Variants in PHKA2 observed in about 807,000 individuals in gnomAD.
The protein encoded by PHKA2 is phosphorylase kinase regulatory subunit alpha 2, also known as phosphorylase b kinase regulatory subunit alpha, liver isoform.
Under a neutral mutation model 102.0 loss-of-function variants are expected in PHKA2, and 31 were observed. The observed-to-expected ratio is 0.30, with a 90% CI of 0.23 to 0.41. The LOEUF (loss-of-function observed/expected upper bound fraction) is 0.41, where lower values mean the gene tolerates loss of function less well. Ranked by LOEUF, PHKA2 falls within the 10% of genes least tolerant of loss-of-function variation. PHKA2 has a pLI of 1.00. For synonymous variants in PHKA2, 455 were observed against 416.2 expected (o/e 1.09, Z -1.13); for missense variants, 858 against 1,023.1 (o/e 0.84, Z 2.20).
chrX:18,897,293 G>A lies in PHKA2; in HGVS notation c.3152C>T (p.Ser1051Leu). 1.7e-6 allele frequency: 2 copies of A among 1,210,942 alleles called. No homozygotes were observed. The highest frequency in any genetic ancestry group is 1.1e-6 in the Non-Finnish European group (1 of 895,319). Reference sequence around the variant, plus strand: ...GCCGATGTGATGTCCTCCCGAGTCTGAGGATGACGTGCCAGTGGGCGAGGA... The same window carrying A: ...GCCGATGTGATGTCCTCCCGAGTCTAAGGATGACGTGCCAGTGGGCGAGGA... The part of the protein sequence containing the change: ...TPSSPTGTSS[S>L]DSGGHHIGWG... The change falls in exon 30 of 33, where the codon TCA becomes TTA. Residue 1051 changes from serine to leucine, a missense_variant. By Grantham distance (145) the Ser-to-Leu change is moderately radical. Coordinates refer to ENST00000379942, the MANE Select transcript of PHKA2 (RefSeq NM_000292.3).
chrX:18,941,577 A>G lies in PHKA2; in HGVS notation c.816T>C (p.Asp272=), dbSNP rs749586071. ...IISFPAFAVE[D]VNLVNVTKNE... ...TTTTGGTCACATTTACAAGGTTTAC[A>G]TCTTCCACTGCAAAGGCCGGGAAGG... Residue 272 remains aspartate (D), a synonymous_variant, in exon 8 of 33, where the codon GAT becomes GAC. Coordinates refer to ENST00000379942, the MANE Select transcript of PHKA2 (RefSeq NM_000292.3). 12 of 1,200,151 alleles carry G rather than the reference A, an allele frequency of 1.0e-5. No homozygotes were observed. The highest frequency in any genetic ancestry group is 1.4e-5 in the Non-Finnish European group (12 of 885,685).
chrX:18,926,312 A>T (rs2048208812), intron 14 of PHKA2, 141 bp downstream of exon 14: 2 of 559,836 alleles, frequency 3.6e-6, no homozygotes, highest in Non-Finnish European at 6.3e-6. Flanking sequence ...GTTCCTCTTC[A>T]CATCGAAGCG....
chrX:18,915,451 A>T (rs1199235417), intron 19 of PHKA2: 1 of 108,732 alleles, frequency 9.2e-6, no homozygotes, highest in Non-Finnish European at 1.9e-5. Context: ...GGCTCACTGC[A>T]GCCTCAACCT....
chrX:18,931,701 C>A lies in PHKA2; in HGVS notation c.1185G>T (p.Met395Ile). Reference sequence around the variant, plus strand: ...GGCCCCACAGATGAGGCACCTTCCCCATAGGAACTCGGTCTACTGTGTGAG... The same window carrying A: ...GGCCCCACAGATGAGGCACCTTCCCAATAGGAACTCGGTCTACTGTGTGAG... ...KNPHTVDRVP[M>I]GKVPHLWGQS... Residue 395 changes from methionine (M) to isoleucine (I), a missense_variant, in exon 12 of 33, where the codon ATG (methionine) becomes ATT (isoleucine). Met to Ile is a conservative substitution (Grantham distance 10). Coordinates refer to ENST00000379942, the MANE Select transcript of PHKA2 (RefSeq NM_000292.3). 8.3e-7 allele frequency: 1 copy of A among 1,203,604 alleles called. No individual in the cohort carries two copies. Among genetic ancestry groups the A allele is most frequent in the Admixed American group, 2.2e-5 (1 of 45,760 alleles).
At chrX:18,968,893 A>G (rs1347793739) in intron 1 of PHKA2, among the ~76,000 whole-genome samples, 2 of 112,100 alleles carry the variant, frequency 1.8e-5, no homozygotes, top group Non-Finnish European at 3.8e-5. Flanking sequence ...AGGTGGGTGG[A>G]TCACCTGAGG....
intron 1 of PHKA2, among the ~76,000 whole-genome samples, chrX:18,973,013 C>T (rs1012334574): frequency 1.3e-4 from 15 of 111,926 alleles, no homozygotes; most frequent in Non-Finnish European, 2.8e-4. Context: ...CTAAGAGGTG[C>T]TTTTTCTGAG....
chrX:18,902,300 T>C (rs1451517601), intron 26 of PHKA2, among the ~76,000 whole-genome samples: 2 of 108,496 alleles, frequency 1.8e-5, no homozygotes, highest in Non-Finnish European at 3.8e-5. Flanking sequence ...CATACCTGGC[T>C]AATTTTTTGT....
At chrX:18,926,431 C>T in intron 14 of PHKA2, 22 bp downstream of exon 14, 1 of 1,187,083 alleles carries the variant, frequency 8.4e-7, no homozygotes, top group Non-Finnish European at 1.1e-6. Context: ...CAAAAAGGCC[C>T]AGGTAATTTC....
chrX:18,907,058 C>T lies in PHKA2; in HGVS notation c.2557G>A (p.Val853Met), dbSNP rs184537378. Residue 853 changes from valine to methionine, a missense_variant, in exon 23 of 33, where the codon GTG becomes ATG. Around this residue, in one of 2 missense-constraint regions of PHKA2, gnomAD observed 671 missense variants for 745.2 expected, o/e 0.90. Coordinates refer to ENST00000379942, the MANE Select transcript of PHKA2 (RefSeq NM_000292.3). Reference sequence around the variant, plus strand: ...TCCCGGGGCTCGGGCGGCAGGCCCACGGTGAGCTGCTTCTGGTGCGAAAGC... The same window carrying T: ...TCCCGGGGCTCGGGCGGCAGGCCCATGGTGAGCTGCTTCTGGTGCGAAAGC... ...DLLSHQKQLTVGLPPEPREKI... is the reference protein window; with the variant it reads ...DLLSHQKQLTMGLPPEPREKI... 33 of 1,193,405 alleles carry T rather than the reference C, an allele frequency of 2.8e-5. No individual in the cohort carries two copies. The highest frequency in any genetic ancestry group is 3.4e-5 in the Non-Finnish European group (30 of 886,648).
At position 18,907,113 on chromosome X, in the gene PHKA2, G is replaced by C. The variant is rs1332824031; in HGVS notation, c.2518-16C>G. 2.6e-6 allele frequency: 3 copies of C among 1,145,962 alleles called. No individual in the cohort carries two copies. The Admixed American group carries it at 7.5e-5, about 28-fold the overall frequency. 94.4% of individuals were successfully genotyped at this position (1,145,962 alleles called of 1,213,427 possible). On this transcript the variant is annotated splice_polypyrimidine_tract_variant and intron_variant, in intron 22 of 32. Transcript: ENST00000379942. ...CTGTGCAGGCCTGCGCAGTTAAGGGGAAGGGTGAGAGGCAGAGCGCGAGAG... is the reference window on the plus strand; with the variant it reads ...CTGTGCAGGCCTGCGCAGTTAAGGGCAAGGGTGAGAGGCAGAGCGCGAGAG...
chrX:18,926,287 C>T (rs1219818147), intron 14 of PHKA2, among the ~76,000 whole-genome samples, 166 bp downstream of exon 14: 6 of 112,619 alleles, frequency 5.3e-5, no homozygotes, highest in Non-Finnish European at 7.5e-5. Flanking sequence ...GGTGTGAGAA[C>T]GTGCTGGTTT....
At chrX:18,893,940 G>T in intron 32 of PHKA2, 1 of 457,939 alleles carries the variant, frequency 2.2e-6, no homozygotes, top group Non-Finnish European at 3.8e-6. Flanking sequence ...TGTGTACAGG[G>T]TAAGGGGTTC....
intron 18 of PHKA2, 32 bp downstream of exon 18, chrX:18,920,000 C>T (rs774212179): frequency 2.2e-5 from 25 of 1,126,570 alleles, no homozygotes; most frequent in South Asian, 3.6e-5. Context: ...ATAAATTCAG[C>T]GAACTACCCA....
chrX:18,953,844 C>T (rs1324117593), intron 2 of PHKA2, among the ~76,000 whole-genome samples: 3 of 110,312 alleles, frequency 2.7e-5, no homozygotes, highest in African/African-American at 6.6e-5. Context: ...AAATTAGCTG[C>T]GCGTGGTGGC....
rs960144403 is a variant in PHKA2 at position 18,892,593 on chromosome X, T to C, written c.*892A>G. ...TTCTGCGGGGACATGCCTGTTCACT[T>C]CCATGGCACTGCTGACTTGTGCTCA... On this transcript the variant is annotated 3_prime_UTR_variant, in exon 33 of 33. Coordinates refer to ENST00000379942, the MANE Select transcript of PHKA2 (RefSeq NM_000292.3). The C allele has an allele frequency of 8.9e-6, 1 of 112,217 alleles. No individual in the cohort carries two copies. Among genetic ancestry groups the C allele is most frequent in the African/African-American group, 3.2e-5 (1 of 30,840 alleles). The allele number at this position is 112,217 out of a possible 1,213,427, so 9.2% of individuals were successfully genotyped here.
In PHKA2 at chrX:18,939,566, T is replaced by C. The variant is rs1178031829; in HGVS notation, c.918+429A>G. On this transcript the variant is annotated intron_variant, in intron 9 of 32. Coordinates refer to ENST00000379942, the MANE Select transcript of PHKA2 (RefSeq NM_000292.3). ...TGGAGTGCAGTGGCGCGATTTCGGCTCAGTGCAAGCTCCGCCTCCCGGGTT... is the reference window on the plus strand; with the variant it reads ...TGGAGTGCAGTGGCGCGATTTCGGCCCAGTGCAAGCTCCGCCTCCCGGGTT... 2.1e-4 allele frequency among the ~76,000 whole-genome samples: 23 copies of C among 112,081 alleles called. No individual in the cohort carries two copies. The Admixed American group carries it at 2.2e-3, about 11-fold the overall frequency.
At chrX:18,949,400 T>A (rs750927069) in intron 4 of PHKA2, among the ~76,000 whole-genome samples, 2 of 112,099 alleles carry the variant, frequency 1.8e-5, no homozygotes, top group East Asian at 5.6e-4. Context: ...GTAAGCCAGA[T>A]TAGAATTTCA....
intron 1 of PHKA2, among the ~76,000 whole-genome samples, chrX:18,960,231 C>T (rs1473031258): frequency 8.9e-6 from 1 of 111,982 alleles, no homozygotes; most frequent in Non-Finnish European, 1.9e-5. Flanking sequence ...GCCTTGTGTC[C>T]ACCCCTGGCC....
chrX:18,893,237 C>T lies in PHKA2; in HGVS notation c.*248G>A, dbSNP rs1397957533. Reference sequence around the variant, plus strand: ...GAGACCAGATGCTACAGCAAATGTTCCAGAGAAATGAACCTAGAAAATGAT... The same window carrying T: ...GAGACCAGATGCTACAGCAAATGTTTCAGAGAAATGAACCTAGAAAATGAT... On this transcript the variant is annotated 3_prime_UTR_variant, in exon 33 of 33. Transcript: ENST00000379942. 2.4e-6 allele frequency: 1 copy of T among 421,491 alleles called. No homozygotes were observed. The highest frequency in any genetic ancestry group is 4.1e-6 in the Non-Finnish European group (1 of 240,976). The allele number at this position is 421,491 out of a possible 1,213,427, so 34.7% of individuals were successfully genotyped here.
Sources: allele counts gnomAD v4.1 joint callset (sites outside exome capture counted in the v4.1 genomes callset), GRCh38; gene constraint gnomAD v4.1.1; regional missense constraint gnomAD v4.1.1; transcripts MANE v1.5; gene names NCBI Gene and HGNC (gene_info 2026-07-23, HGNC 2026-07-21).